The following DEPTOR variants were observed in gnomAD, a reference collection of about 807,000 sequenced individuals.
DEPTOR encodes the protein DEP domain containing MTOR interacting protein.
Under a neutral mutation model 41.6 loss-of-function variants are expected in DEPTOR, and 41 were observed. The observed-to-expected ratio is 0.98, with a 90% CI of 0.77 to 1.28. DEPTOR has a LOEUF of 1.28. DEPTOR is among the 50% of genes most tolerant of loss of function. The pLI, the probability that DEPTOR is intolerant of heterozygous loss-of-function variation, is 0.00. For missense variants in DEPTOR, 514 were observed against 527.9 expected (o/e 0.97, Z 0.26); for synonymous variants, 195 against 192.3 (o/e 1.01, Z -0.12).
intron 4 of DEPTOR, among the ~76,000 whole-genome samples, chr8:119,991,017 A>C (rs1415341694): frequency 9.5e-6 from 1 of 104,950 alleles, no homozygotes; most frequent in African/African-American, 3.5e-5. Context: ...CCTTAAGTAC[A>C]GCTCGGGTTT....
At chr8:119,978,168 C>T (rs1828720077) in intron 4 of DEPTOR, among the ~76,000 whole-genome samples, 1 of 152,146 alleles carries the variant, frequency 6.6e-6, no homozygotes, top group East Asian at 1.9e-4. Flanking sequence ...TTTGCCCAAG[C>T]ATGATCTTTT....
At chr8:119,878,900 C>A (rs575767796) in intron 1 of DEPTOR, among the ~76,000 whole-genome samples, 1 of 151,632 alleles carries the variant, frequency 6.6e-6, no homozygotes. Context: ...CACCTGAGAT[C>A]GGGAGTTCAA....
intron 3 of DEPTOR, among the ~76,000 whole-genome samples, chr8:119,931,938 C>CT (rs925932272): frequency 8.2e-5 from 12 of 145,858 alleles, no homozygotes; most frequent in African/African-American, 2.3e-4. Flanking sequence ...AACGCTTTTC[C>CT]TTTTTTTTTA....
intron 6 of DEPTOR, among the ~76,000 whole-genome samples, chr8:120,005,409 C>T (rs1405538139): frequency 1.3e-5 from 2 of 152,252 alleles, no homozygotes; most frequent in Non-Finnish European, 2.9e-5. Context: ...TTGCCTTTCA[C>T]TGAGAGGGTG....
At chr8:119,935,407 T>C (rs1348744676) in intron 3 of DEPTOR, among the ~76,000 whole-genome samples, 1 of 152,156 alleles carries the variant, frequency 6.6e-6, no homozygotes, top group African/African-American at 2.4e-5. Context: ...CAAAACTTGA[T>C]TGGCAAAATA....
chr8:120,006,556 A>C (rs993380618), intron 6 of DEPTOR, among the ~76,000 whole-genome samples: 9 of 150,360 alleles, frequency 6.0e-5, no homozygotes, highest in African/African-American at 2.2e-4. Flanking sequence ...CTGCCCCCTT[A>C]TCCCCACCCC....
At position 119,873,805 on chromosome 8, in the gene DEPTOR, G is replaced by C. The variant is rs750653691; in HGVS notation, c.-42G>C. Reference sequence around the variant, plus strand: ...GACTGATCCGAGCACCCAAACCCTCGGCGGACAGCGGAGCCAGTGGTAGCC... The same window carrying C: ...GACTGATCCGAGCACCCAAACCCTCCGCGGACAGCGGAGCCAGTGGTAGCC... On this transcript the variant is annotated 5_prime_UTR_variant, in exon 1 of 9. Transcript: ENST00000286234. The C allele has an allele frequency of 1.2e-6, 2 of 1,605,158 alleles. No individual in the cohort carries two copies. Among genetic ancestry groups the C allele is most frequent in the Admixed American group, 1.7e-5 (1 of 59,094 alleles).
intron 1 of DEPTOR, among the ~76,000 whole-genome samples, chr8:119,923,390 T>C (rs1827923042): frequency 1.3e-5 from 2 of 152,030 alleles, no homozygotes; most frequent in Non-Finnish European, 2.9e-5. Context: ...ATTACAGCTG[T>C]GTGCCACAAC....
intron 5 of DEPTOR, 90 bp from the exon 6 acceptor site, chr8:120,002,887 C>T: frequency 7.0e-7 from 1 of 1,421,608 alleles, no homozygotes; most frequent in Non-Finnish European, 9.3e-7. Context: ...TTTCTCCTGG[C>T]CCCTCTGGAC....
intron 4 of DEPTOR, among the ~76,000 whole-genome samples, chr8:119,987,890 G>A (rs1476788356): frequency 6.6e-6 from 1 of 152,124 alleles, no homozygotes; most frequent in Non-Finnish European, 1.5e-5. Context: ...AGTGTCCCAG[G>A]TCGACCTCTG....
intron 4 of DEPTOR, among the ~76,000 whole-genome samples, chr8:119,991,304 C>T (rs940162022): frequency 1.3e-5 from 2 of 151,750 alleles, no homozygotes; most frequent in Non-Finnish European, 2.9e-5. Context: ...CATGTAGGCC[C>T]CAGGGCCTGG....
intron 4 of DEPTOR, among the ~76,000 whole-genome samples, chr8:119,980,257 G>A (rs1489359795): frequency 6.6e-6 from 1 of 151,100 alleles, no homozygotes; most frequent in Non-Finnish European, 1.5e-5. Context: ...CAATCTATAT[G>A]AAAAATACAA....
intron 3 of DEPTOR, among the ~76,000 whole-genome samples, chr8:119,935,122 T>A (rs1401381297): frequency 6.6e-6 from 1 of 152,214 alleles, no homozygotes; most frequent in Non-Finnish European, 1.5e-5. Context: ...GTCTTCATTA[T>A]GGCCAGCAAA....
chr8:119,888,089 G>GAC (rs1827397298), intron 1 of DEPTOR, among the ~76,000 whole-genome samples: 1 of 151,968 alleles, frequency 6.6e-6, no homozygotes, highest in African/African-American at 2.4e-5. Context: ...CCAAAATGTT[G>GAC]GGATTACAGA....
chr8:119,960,608 G>T (rs1229650405), intron 3 of DEPTOR, among the ~76,000 whole-genome samples: 2 of 152,178 alleles, frequency 1.3e-5, no homozygotes, highest in Admixed American at 6.5e-5. Flanking sequence ...AACACTTTAT[G>T]TACACTGTAC....
At chr8:119,916,153 G>T (rs1430016881) in intron 1 of DEPTOR, among the ~76,000 whole-genome samples, 2 of 152,114 alleles carry the variant, frequency 1.3e-5, no homozygotes, top group Non-Finnish European at 2.9e-5. Flanking sequence ...ACGCTGGAGT[G>T]CAGTGGCGCG....
chr8:119,908,906 T>G (rs1483771680), intron 1 of DEPTOR, among the ~76,000 whole-genome samples: 1 of 152,170 alleles, frequency 6.6e-6, no homozygotes, highest in Non-Finnish European at 1.5e-5. Context: ...CCAGGGCAAA[T>G]GTAACTGTGA....
chr8:120,033,412 C>T (rs992980481), intron 8 of DEPTOR, among the ~76,000 whole-genome samples: 4 of 151,982 alleles, frequency 2.6e-5, no homozygotes, highest in African/African-American at 7.2e-5. Context: ...TAGTTGAGGC[C>T]GAAAGAGTTT....
At chr8:119,973,805 A>G (rs968445576) in intron 4 of DEPTOR, among the ~76,000 whole-genome samples, 17 of 152,204 alleles carry the variant, frequency 1.1e-4, no homozygotes, top group African/African-American at 3.9e-4. Flanking sequence ...ATATATTTAT[A>G]TCATACTGTG....
Sources: allele counts gnomAD v4.1 joint callset (sites outside exome capture counted in the v4.1 genomes callset), GRCh38; gene constraint gnomAD v4.1.1; transcripts MANE v1.5; gene names NCBI Gene and HGNC (gene_info 2026-07-23, HGNC 2026-07-21).